The following DGKH variants were observed in gnomAD, a reference collection of about 807,000 sequenced individuals.
The protein encoded by DGKH is diacylglycerol kinase eta.
A neutral mutation model predicts 159.3 loss-of-function variants in DGKH; 90 were observed. The observed-to-expected ratio is 0.57, with a 90% CI of 0.48 to 0.67. The LOEUF (loss-of-function observed/expected upper bound fraction) is 0.67. Among genes scored for constraint, DGKH ranks in the 30% least tolerant of loss-of-function variants. The pLI is 0.00. For missense variants in DGKH, 1,181 were observed against 1,506.1 expected (o/e 0.78, Z 3.57); for synonymous variants, 536 against 553.8 (o/e 0.97, Z 0.45).
chr13:42,244,556 C>T (rs1417665836), downstream of DGKH, among the ~76,000 whole-genome samples: 2 of 152,204 alleles, frequency 1.3e-5, no homozygotes, highest in East Asian at 1.9e-4. Flanking sequence ...GTGTATCTAG[C>T]ACTGAGTAAC....
chr13:42,208,589 G>GT (rs1246981376), intron 21 of DGKH, among the ~76,000 whole-genome samples: 2 of 151,320 alleles, frequency 1.3e-5, no homozygotes. Flanking sequence ...CGCCTTTGTA[G>GT]TTTTTTTTAG....
chr13:42,168,474 A>G lies in DGKH; in HGVS notation c.1153A>G (p.Ile385Val). 1.2e-6 allele frequency: 2 copies of G among 1,614,064 alleles called. No individual in the cohort carries two copies. The highest frequency in any genetic ancestry group is 2.7e-5 in the African/African-American group (2 of 75,030). ...RLFQKFDNFR[I>V]LVCGGDGSVG... Reference sequence around the variant, plus strand: ...ATTTCAGAAGTTTGACAATTTCCGGATTCTTGTTTGTGGAGGCGATGGAAG... The same window carrying G: ...ATTTCAGAAGTTTGACAATTTCCGGGTTCTTGTTTGTGGAGGCGATGGAAG... Residue 385 changes from isoleucine (I) to valine (V), a missense_variant, in exon 10 of 30, where the codon ATT becomes GTT. By Grantham distance (29) the Ile-to-Val change is conservative (BLOSUM62 3). Transcript: ENST00000337343.
At chr13:42,251,242 G>A (rs868828026) in intron 29 of DGKH, among the ~76,000 whole-genome samples, 96 of 152,220 alleles carry the variant, frequency 6.3e-4, no homozygotes, top group African/African-American at 2.2e-3. Flanking sequence ...TCATGAGGCT[G>A]TGGTGGGCAT....
At chr13:42,126,068 A>G (rs1404365973) in intron 1 of DGKH, among the ~76,000 whole-genome samples, 2 of 152,194 alleles carry the variant, frequency 1.3e-5, no homozygotes, top group African/African-American at 4.8e-5. Flanking sequence ...ATGGCCTCTA[A>G]GGTAATCCTA....
chr13:42,068,354 A>T lies in DGKH; in HGVS notation c.192+19389A>T, dbSNP rs534292580. ...AAACAGTGAATGAGTCTTATTAAGAATAGTTTACTACAATACACACTGGCT... is the reference window on the plus strand; with the variant it reads ...AAACAGTGAATGAGTCTTATTAAGATTAGTTTACTACAATACACACTGGCT... On this transcript the variant is annotated intron_variant, in intron 1 of 29. Coordinates refer to ENST00000337343, the MANE Select transcript of DGKH (RefSeq NM_178009.5). Among the ~76,000 whole-genome samples, 5 of 152,354 alleles carry T rather than the reference A, an allele frequency of 3.3e-5. No homozygotes were observed. In the South Asian group the frequency reaches 1.0e-3, roughly 32 times the overall value.
chr13:42,195,006 A>C lies in DGKH; in HGVS notation c.2157A>C (p.Ile719=). The change falls in exon 17 of 30, where the codon ATA becomes ATC. Residue 719 remains isoleucine, a synonymous_variant. Transcript: ENST00000337343. ...KENLPVLNTR[I]ICPGLRAGLA... ...ACCTCCCTGTGCTCAATACCAGAAT[A>C]ATCTGCCCAGGTAGTACAGATTCTG... 6.2e-7 allele frequency: 1 copy of C among 1,613,898 alleles called. No individual in the cohort carries two copies. The highest frequency in any genetic ancestry group is 1.1e-5 in the South Asian group (1 of 91,046).
rs147719787 is a variant in DGKH at position 42,181,748 on chromosome 13, C to T, written c.1538+3528C>T. 2.3e-4 allele frequency: 178 copies of T among 768,182 alleles called. 2 individuals are homozygous for T. The African/African-American group carries it at 3.0e-3, about 13-fold the overall frequency. 47.6% of individuals were successfully genotyped at this position (768,182 alleles called of 1,614,324 possible). A position where few individuals can be genotyped will look rare whatever the true frequency, so the allele number is the denominator to read the frequency against. On this transcript the variant is annotated intron_variant, in intron 13 of 29. Coordinates refer to ENST00000337343, the MANE Select transcript of DGKH (RefSeq NM_178009.5). ...CAGCCACGCCAGCTGCAGTGGTTGC[C>T]ATCTGGACCATCAGACCTGGCTGCC...
At chr13:42,202,211 A>G (rs1957363950) in intron 20 of DGKH, among the ~76,000 whole-genome samples, 1 of 152,234 alleles carries the variant, frequency 6.6e-6, no homozygotes, top group African/African-American at 2.4e-5. Flanking sequence ...ACTCTTTGCC[A>G]TCATTAACAA....
At chr13:42,157,876 A>T (rs139999873) in intron 5 of DGKH, among the ~76,000 whole-genome samples, 3 of 152,280 alleles carry the variant, frequency 2.0e-5, no homozygotes, top group Admixed American at 1.3e-4. Context: ...TATGTCTCAT[A>T]AGAATCCCGA....
intron 1 of DGKH, among the ~76,000 whole-genome samples, chr13:42,052,821 AT>A (rs1414047656): frequency 1.3e-5 from 2 of 152,224 alleles, no homozygotes; most frequent in Non-Finnish European, 2.9e-5. Flanking sequence ...GTATAAACAA[AT>A]GGGAACCATC....
chr13:42,113,232 G>A (rs1170175), intron 1 of DGKH, among the ~76,000 whole-genome samples: 150,619 of 152,332 alleles, frequency 0.99, 74,481 homozygotes, highest in Middle Eastern at 1. Context: ...TTAAAGGTGC[G>A]TGGAAAAAGG....
intron 1 of DGKH, among the ~76,000 whole-genome samples, chr13:42,107,927 T>G (rs1475729467): frequency 6.6e-6 from 1 of 152,168 alleles, no homozygotes; most frequent in Non-Finnish European, 1.5e-5. Context: ...AGGGATTTTG[T>G]CCTATTGTCT....
chr13:42,062,815 A>G (rs1291789701), intron 1 of DGKH, among the ~76,000 whole-genome samples: 6 of 152,242 alleles, frequency 3.9e-5, no homozygotes, highest in African/African-American at 1.2e-4. Flanking sequence ...AATGGCATGT[A>G]CTTGAAACAG....
At chr13:42,083,139 A>T (rs1031471379) in intron 1 of DGKH, among the ~76,000 whole-genome samples, 22 of 152,252 alleles carry the variant, frequency 1.4e-4, no homozygotes, top group African/African-American at 5.3e-4. Context: ...ATTAGTGAAT[A>T]TAAATGAAGA....
At chr13:42,089,785 T>G (rs1346375213) in intron 1 of DGKH, among the ~76,000 whole-genome samples, 1 of 152,206 alleles carries the variant, frequency 6.6e-6, no homozygotes, top group East Asian at 1.9e-4. Flanking sequence ...ATCTGGAAAC[T>G]TAATCCCCCT....
intron 1 of DGKH, among the ~76,000 whole-genome samples, chr13:42,082,058 A>G (rs1355260517): frequency 6.6e-6 from 1 of 152,122 alleles, no homozygotes; most frequent in Admixed American, 6.5e-5. Context: ...TATCCTCAAT[A>G]TATTTAACCT....
At chr13:42,159,244 C>CTATTTTTTTTTTTTTTTTTTT in intron 5 of DGKH, 22 bp from the exon 6 acceptor site, 1 of 213,284 alleles carries the variant, frequency 4.7e-6, no homozygotes, top group Admixed American at 1.1e-4. Flanking sequence ...AGCAGTTGCT[C>CTATTTTTTTTTTTTTTTTTTT]TTTTTTTTTT....
In DGKH at chr13:42,189,105, G is replaced by A. The variant is rs760789527; in HGVS notation, c.1708G>A (p.Val570Ile). ...ALHTDSQAAPVLPGLSPLIVE... is the reference protein window; with the variant it reads ...ALHTDSQAAPILPGLSPLIVE... ...GCACACAGATTCCCAGGCTGCGCCT[G>A]TTCTCCCTGGCCTCAGCCCTCTCAT... Residue 570 changes from valine (V) to isoleucine (I), a missense_variant, in exon 15 of 30, where the codon GTT becomes ATT. Physicochemically the swap from Val to Ile is conservative, Grantham distance 29. Coordinates refer to ENST00000337343, the MANE Select transcript of DGKH (RefSeq NM_178009.5). 6.2e-7 allele frequency: 1 copy of A among 1,614,240 alleles called. No homozygotes were observed. The highest frequency in any genetic ancestry group is 1.6e-4 in the Middle Eastern group (1 of 6,062).
At chr13:42,114,397 TC>T (rs1348340615) in intron 1 of DGKH, among the ~76,000 whole-genome samples, 9 of 152,130 alleles carry the variant, frequency 5.9e-5, no homozygotes, top group Non-Finnish European at 7.3e-5. Flanking sequence ...ATGTCAGTGT[TC>T]ATTCATTCAT....
Sources: gnomAD v4.1 joint callset for allele counts (sites outside exome capture counted in the v4.1 genomes callset) on GRCh38, gnomAD v4.1.1 for gene constraint, MANE v1.5 for transcripts, NCBI Gene and HGNC (gene_info 2026-07-23, HGNC 2026-07-21) for gene names.